DRC8: variants seen among roughly 807,000 people sequenced by gnomAD.
DRC8 encodes the protein dynein regulatory complex subunit 8, also known as dynein regulatory complex protein 8.
the DRC8 span, among the ~76,000 whole-genome samples, chr1:245,121,127 A>C: frequency 6.6e-6 from 1 of 152,268 alleles, no homozygotes; most frequent in Non-Finnish European, 1.5e-5. Context: ...TACAAATGTT[A>C]TGTAGGCAGA....
At chr1:245,093,015 A>T in the DRC8 span, among the ~76,000 whole-genome samples, 1 of 152,244 alleles carries the variant, frequency 6.6e-6, no homozygotes, top group African/African-American at 2.4e-5. Context: ...GCTGTAAGCT[A>T]TGACACAAAT....
the DRC8 span, among the ~76,000 whole-genome samples, chr1:245,018,678 G>A: frequency 1.3e-5 from 2 of 152,162 alleles, no homozygotes; most frequent in Non-Finnish European, 2.9e-5. Context: ...GGTATTGTTA[G>A]AGAAGTCAGG....
chr1:245,035,172 A>G, the DRC8 span, among the ~76,000 whole-genome samples: 1 of 118,608 alleles, frequency 8.4e-6, no homozygotes, highest in Non-Finnish European at 1.8e-5. Flanking sequence ...AATCTCTATC[A>G]AAATCCTGGT....
At chr1:245,104,746 T>G in the DRC8 span, among the ~76,000 whole-genome samples, 2 of 152,162 alleles carry the variant, frequency 1.3e-5, no homozygotes, top group Admixed American at 6.5e-5. Context: ...TCCTTCCCCT[T>G]TTCCCCACAC....
the DRC8 span, among the ~76,000 whole-genome samples, chr1:245,056,935 C>CAA: frequency 7.2e-5 from 8 of 111,444 alleles, no homozygotes; most frequent in South Asian, 2.2e-3. Flanking sequence ...GACTCCATCT[C>CAA]AAAAAAAAAA....
the DRC8 span, among the ~76,000 whole-genome samples, chr1:245,068,979 AT>A: frequency 3.9e-5 from 6 of 152,174 alleles, no homozygotes; most frequent in Admixed American, 2.0e-4. Flanking sequence ...CATCAAAATG[AT>A]TTTTCCCTTC....
chr1:245,039,674 T>G, the DRC8 span, among the ~76,000 whole-genome samples: 1 of 152,196 alleles, frequency 6.6e-6, no homozygotes, highest in African/African-American at 2.4e-5. Context: ...CGCTGTTGTC[T>G]TGTCTCTTTA....
the DRC8 span, among the ~76,000 whole-genome samples, chr1:245,112,676 A>G: frequency 1.3e-5 from 2 of 152,032 alleles, no homozygotes; most frequent in Non-Finnish European, 2.9e-5. Flanking sequence ...CATCACCCTG[A>G]TCCTTCTCTA....
At chr1:245,032,222 T>C in the DRC8 span, among the ~76,000 whole-genome samples, 2 of 152,204 alleles carry the variant, frequency 1.3e-5, no homozygotes, top group African/African-American at 2.4e-5. Context: ...TTGCTTATAG[T>C]AGCAGGGCCC....
chr1:245,054,101 C>T, the DRC8 span, among the ~76,000 whole-genome samples: 9 of 152,214 alleles, frequency 5.9e-5, no homozygotes, highest in East Asian at 1.7e-3. Context: ...TCCTCTTTAA[C>T]ACCATGTTCC....
At chr1:245,009,546 C>A in the DRC8 span, among the ~76,000 whole-genome samples, 3 of 148,494 alleles carry the variant, frequency 2.0e-5, no homozygotes, top group African/African-American at 7.4e-5. Context: ...CTGCTCACTG[C>A]AAGCTCTGTC....
the DRC8 span, among the ~76,000 whole-genome samples, chr1:245,004,993 T>A: frequency 4.6e-4 from 70 of 152,338 alleles, no homozygotes; most frequent in Middle Eastern, 0.01. Context: ...AATGAAAAGA[T>A]GTTATGTATT....
chr1:244,988,140 C>A, the DRC8 span, among the ~76,000 whole-genome samples: 6 of 152,276 alleles, frequency 3.9e-5, no homozygotes, highest in Admixed American at 1.3e-4. Context: ...TGTTGGCTTT[C>A]ATATACCCAA....
chr1:245,037,031 C>T, the DRC8 span, among the ~76,000 whole-genome samples: 2 of 152,202 alleles, frequency 1.3e-5, no homozygotes, highest in Non-Finnish European at 2.9e-5. Context: ...CACCAATTTA[C>T]ATAGAATCAT....
chr1:244,999,843 G>A, the DRC8 span, among the ~76,000 whole-genome samples: 1 of 152,074 alleles, frequency 6.6e-6, no homozygotes, highest in African/African-American at 2.4e-5. Flanking sequence ...GCGGAGTCTT[G>A]CTGTGTCACC....
At chr1:245,060,386 A>G in the DRC8 span, among the ~76,000 whole-genome samples, 1 of 152,230 alleles carries the variant, frequency 6.6e-6, no homozygotes, top group Non-Finnish European at 1.5e-5. Context: ...TAAGGAAGGG[A>G]AGATTAGAAA....
chr1:244,988,526 C>T, the DRC8 span, among the ~76,000 whole-genome samples: 1 of 151,954 alleles, frequency 6.6e-6, no homozygotes, highest in Non-Finnish European at 1.5e-5. Context: ...TATGCGTATC[C>T]AACCCATTGC....
the DRC8 span, among the ~76,000 whole-genome samples, chr1:245,065,900 G>T: frequency 6.6e-6 from 1 of 151,866 alleles, no homozygotes; most frequent in East Asian, 1.9e-4. Flanking sequence ...CTCCTGCAGG[G>T]ATGGAGGGCA....
At chr1:244,969,877 G>C in the DRC8 span, 80 of 443,578 alleles carry the variant, frequency 1.8e-4, 1 homozygote, top group East Asian at 3.0e-3. Context: ...GCGGGAGGCG[G>C]GCTGCGAATG....
Sources: allele counts gnomAD v4.1 joint callset (sites outside exome capture counted in the v4.1 genomes callset), GRCh38; gene constraint gnomAD v4.1.1; transcripts MANE v1.5; gene names NCBI Gene and HGNC (gene_info 2026-07-23, HGNC 2026-07-21).